The following SOX5 variants were observed in gnomAD, a reference collection of about 807,000 sequenced individuals.
SOX5 encodes SRY-box transcription factor 5.
A neutral mutation model predicts 92.0 loss-of-function variants in SOX5; 9 were observed. That is an observed-to-expected ratio of 0.10 (90% confidence interval 0.06 to 0.17). The LOEUF is 0.17. Ranked by LOEUF, SOX5 falls within the 10% of genes least tolerant of loss-of-function variation. SOX5 has a pLI of 1.00. For missense variants in SOX5, 642 were observed against 944.5 expected (o/e 0.68, Z 4.20); for synonymous variants, 344 against 336.3 (o/e 1.02, Z -0.25).
Position 24,393,620 on chromosome 12 carries a change from T to C in SOX5, c.-250-24981A>G, listed in dbSNP as rs1478348230. 6.6e-6 allele frequency among the ~76,000 whole-genome samples: 1 copy of C among 152,208 alleles called. No homozygotes were observed. On this transcript the variant is annotated intron_variant, in intron 1 of 4. Coordinates refer to the SOX5 transcript ENST00000446891. The surrounding 1 kb of genome is among the most constrained non-coding windows in gnomAD (Gnocchi z 5.0). ...GCAAAAAATTATGAAATAGATAATCTTTTATACGGATTACGCTTTAAGACA... is the reference window on the plus strand; with the variant it reads ...GCAAAAAATTATGAAATAGATAATCCTTTATACGGATTACGCTTTAAGACA...
chr12:23,792,221 G>A (rs2095486225), intron 3 of SOX5, among the ~76,000 whole-genome samples: 2 of 152,030 alleles, frequency 1.3e-5, no homozygotes, highest in Non-Finnish European at 2.9e-5. Flanking sequence ...TTGAGAGAGT[G>A]TCTACAATGG....
At chr12:24,070,391 A>T (rs979003340) in intron 4 of SOX5, among the ~76,000 whole-genome samples, 1 of 152,136 alleles carries the variant, frequency 6.6e-6, no homozygotes, top group African/African-American at 2.4e-5. Flanking sequence ...CATAATGGAC[A>T]GTTTTGTTTG....
intron 7 of SOX5, among the ~76,000 whole-genome samples, chr12:23,663,402 C>T (rs2083335557): frequency 6.6e-6 from 1 of 152,088 alleles, no homozygotes; most frequent in South Asian, 2.1e-4. Flanking sequence ...ATTTAGTATG[C>T]CAACTCTGTC....
intron 2 of SOX5, among the ~76,000 whole-genome samples, chr12:24,355,839 C>T (rs770885815): frequency 7.9e-5 from 12 of 152,086 alleles, no homozygotes; most frequent in Non-Finnish European, 1.2e-4. Flanking sequence ...TAAATAATTC[C>T]CTTTTACGAA....
intron 3 of SOX5, among the ~76,000 whole-genome samples, chr12:23,780,077 ATTT>A (rs1203645921): frequency 1.3e-5 from 2 of 150,918 alleles, no homozygotes; most frequent in Non-Finnish European, 3.0e-5. Context: ...CTTGACAAGA[ATTT>A]TTAAGTTTTT....
At chr12:23,559,802 CTTCTT>C (rs1945867040) in intron 11 of SOX5, among the ~76,000 whole-genome samples, 1 of 152,120 alleles carries the variant, frequency 6.6e-6, no homozygotes, top group Non-Finnish European at 1.5e-5. Flanking sequence ...CCCGGCTGAA[CTTCTT>C]TTCTTTTTTT....
At chr12:24,361,149 C>CA (rs1201396360) in intron 2 of SOX5, among the ~76,000 whole-genome samples, 2 of 151,900 alleles carry the variant, frequency 1.3e-5, no homozygotes, top group South Asian at 2.1e-4. Context: ...CTGGCTCTCT[C>CA]AAAAAAAAGT....
At chr12:24,174,523 C>G (rs1451858751) in intron 4 of SOX5, among the ~76,000 whole-genome samples, 1 of 151,966 alleles carries the variant, frequency 6.6e-6, no homozygotes, top group African/African-American at 2.4e-5. Context: ...GGGGGGGGAA[C>G]CCACAAAACA....
At chr12:24,555,121 T>C (rs1953641577) in intron 1 of SOX5, among the ~76,000 whole-genome samples, 1 of 152,216 alleles carries the variant, frequency 6.6e-6, no homozygotes, top group Admixed American at 6.5e-5. Context: ...GAGGGCCACT[T>C]GAGTTCAGTG....
chr12:24,315,670 T>G (rs1453330710), intron 2 of SOX5, among the ~76,000 whole-genome samples: 1 of 152,070 alleles, frequency 6.6e-6, no homozygotes, highest in Non-Finnish European at 1.5e-5. Context: ...CAAAATAAAA[T>G]AAAATATGAA....
chr12:23,638,693 T>C (rs16926496), intron 8 of SOX5, among the ~76,000 whole-genome samples: 9,393 of 152,134 alleles, frequency 0.062, 673 homozygotes, highest in African/African-American at 0.17. Flanking sequence ...ACAGATATCC[T>C]GTGTAGCTCT....
intron 1 of SOX5, among the ~76,000 whole-genome samples, chr12:24,485,276 T>C (rs541865297): frequency 1.4e-4 from 22 of 152,342 alleles, no homozygotes; most frequent in African/African-American, 4.8e-4. Context: ...CTTCAACTTA[T>C]ATAAATAATT....
At chr12:24,440,029 G>A (rs987243149) in intron 1 of SOX5, among the ~76,000 whole-genome samples, 5 of 152,170 alleles carry the variant, frequency 3.3e-5, no homozygotes, top group Non-Finnish European at 5.9e-5. Flanking sequence ...CTTGGTTGGT[G>A]GCAATTTAAA....
chr12:24,306,720 A>G (rs1948612935), intron 2 of SOX5, among the ~76,000 whole-genome samples: 2 of 152,154 alleles, frequency 1.3e-5, no homozygotes, highest in Admixed American at 1.3e-4. Flanking sequence ...AGAAAGGGGC[A>G]AAAACATCCT....
chr12:24,398,211 AT>A (rs1413804986), intron 1 of SOX5, among the ~76,000 whole-genome samples: 4 of 152,176 alleles, frequency 2.6e-5, no homozygotes, highest in Non-Finnish European at 5.9e-5. Context: ...TTTCATCAAA[AT>A]TTGTTTTTAG....
chr12:23,855,831 C>A (rs1441154708), intron 2 of SOX5, among the ~76,000 whole-genome samples: 2 of 152,088 alleles, frequency 1.3e-5, no homozygotes, highest in Non-Finnish European at 2.9e-5. Context: ...CTCACTGTAT[C>A]AGGCTAATTT....
intron 4 of SOX5, among the ~76,000 whole-genome samples, chr12:24,067,809 A>T (rs1055881302): frequency 6.6e-6 from 1 of 152,194 alleles, no homozygotes; most frequent in African/African-American, 2.4e-5. Flanking sequence ...AGGTGAAACT[A>T]AGAGTAAAAA....
chr12:23,716,414 G>A (rs2092498191), intron 6 of SOX5, among the ~76,000 whole-genome samples: 1 of 152,110 alleles, frequency 6.6e-6, no homozygotes, highest in South Asian at 2.1e-4. Context: ...GCATAATACT[G>A]GGACAGTCGA....
At chr12:24,500,250 T>G (rs1235828913) in intron 1 of SOX5, among the ~76,000 whole-genome samples, 2 of 152,200 alleles carry the variant, frequency 1.3e-5, no homozygotes, top group Admixed American at 6.5e-5. Context: ...ACATAAATTT[T>G]TAATGGAGTC....
Sources: allele counts gnomAD v4.1 joint callset (sites outside exome capture counted in the v4.1 genomes callset), GRCh38; gene constraint gnomAD v4.1.1; non-coding constraint Gnocchi (gnomAD v3.1); transcripts MANE v1.5; gene names NCBI Gene and HGNC (gene_info 2026-07-23, HGNC 2026-07-21).